The following PSD3 variants were observed in gnomAD, a reference collection of about 807,000 sequenced individuals.
PSD3 encodes PH and SEC7 domain-containing protein 3.
In PSD3, 49 loss-of-function variants were observed where a neutral mutation model predicts 105.5. That is an observed-to-expected ratio of 0.46 (90% CI 0.37 to 0.59). PSD3 has a LOEUF of 0.59. PSD3 is among the 20% of genes least tolerant of loss of function. PSD3 has a pLI of 0.00. For synonymous variants in PSD3, 557 were observed against 457.8 expected (o/e 1.22, Z -2.77); for missense variants, 1,561 against 1,263.8 (o/e 1.24, Z -3.57).
At chr8:18,914,253 A>G (rs1820435959) in intron 2 of PSD3, among the ~76,000 whole-genome samples, 1 of 152,052 alleles carries the variant, frequency 6.6e-6, no homozygotes, top group African/African-American at 2.4e-5. Context: ...ATGTACCTCA[A>G]CATAATAAAG....
At chr8:18,708,147 G>A (rs1157312860) in intron 9 of PSD3, among the ~76,000 whole-genome samples, 1 of 152,220 alleles carries the variant, frequency 6.6e-6, no homozygotes, top group East Asian at 1.9e-4. Flanking sequence ...CTAATTTACA[G>A]TTTTAATGGG....
intron 15 of PSD3, among the ~76,000 whole-genome samples, chr8:18,555,660 T>C (rs1176632937): frequency 6.6e-6 from 1 of 152,224 alleles, no homozygotes. Flanking sequence ...CCATAGCATA[T>C]GGATCCTCAC....
At chr8:18,963,698 T>C (rs568324491) in intron 1 of PSD3, among the ~76,000 whole-genome samples, 56 of 152,300 alleles carry the variant, frequency 3.7e-4, no homozygotes, top group African/African-American at 1.3e-3. Context: ...CCAACAGCAA[T>C]GTTTCAGGTA....
chr8:18,974,926 T>C (rs1272529522), intron 1 of PSD3, among the ~76,000 whole-genome samples: 2 of 152,082 alleles, frequency 1.3e-5, no homozygotes, highest in Non-Finnish European at 2.9e-5. Flanking sequence ...ATACAAAATC[T>C]TTTTCCTTGA....
At chr8:18,550,524 G>T (rs906060701) in intron 15 of PSD3, among the ~76,000 whole-genome samples, 4 of 152,020 alleles carry the variant, frequency 2.6e-5, no homozygotes, top group Non-Finnish European at 4.4e-5. Flanking sequence ...TGAAAATATC[G>T]TAAGTCAAAA....
At chr8:18,934,749 A>G (rs1323562465) in intron 2 of PSD3, among the ~76,000 whole-genome samples, 5 of 152,246 alleles carry the variant, frequency 3.3e-5, no homozygotes, top group Non-Finnish European at 7.3e-5. Context: ...TTATAAGTTC[A>G]AGGCCAGGTT....
intron 9 of PSD3, among the ~76,000 whole-genome samples, chr8:18,662,474 T>C (rs891108735): frequency 2.0e-5 from 3 of 152,268 alleles, no homozygotes; most frequent in Non-Finnish European, 2.9e-5. Context: ...TGTGACATTA[T>C]GTTATACATA....
intron 1 of PSD3, among the ~76,000 whole-genome samples, chr8:19,020,175 G>C (rs1453547002): frequency 2.6e-5 from 4 of 152,144 alleles, no homozygotes; most frequent in African/African-American, 9.7e-5. Flanking sequence ...TTCCCTCATG[G>C]AGCTTGGGAA....
At chr8:18,686,376 G>A (rs916363621) in intron 9 of PSD3, among the ~76,000 whole-genome samples, 11 of 152,174 alleles carry the variant, frequency 7.2e-5, no homozygotes, top group African/African-American at 1.9e-4. Context: ...CAGGAACCAC[G>A]CTGTGTCCCT....
chr8:19,045,979 C>A (rs1360213949), intron 1 of PSD3, among the ~76,000 whole-genome samples: 2 of 152,156 alleles, frequency 1.3e-5, no homozygotes, highest in Non-Finnish European at 2.9e-5. Context: ...TATCCTCTGC[C>A]CCTAAAAGAT....
chr8:18,866,566 G>A (rs981584198), intron 4 of PSD3, among the ~76,000 whole-genome samples: 2 of 152,150 alleles, frequency 1.3e-5, no homozygotes, highest in African/African-American at 2.4e-5. Flanking sequence ...TTGACACCTT[G>A]TTCTTTTTAT....
chr8:18,989,205 A>C (rs1825664073), intron 1 of PSD3: 1 of 152,216 alleles, frequency 6.6e-6, no homozygotes, highest in African/African-American at 2.4e-5. Flanking sequence ...GGAGCTAGAC[A>C]CTGCACAATG....
chr8:18,832,393 T>G (rs1273426650), intron 4 of PSD3, among the ~76,000 whole-genome samples: 1 of 152,138 alleles, frequency 6.6e-6, no homozygotes, highest in African/African-American at 2.4e-5. Context: ...CAGTTCTGCA[T>G]AGATTCACAT....
chr8:18,836,716 A>G (rs1814139077), intron 4 of PSD3, among the ~76,000 whole-genome samples: 1 of 152,116 alleles, frequency 6.6e-6, no homozygotes, highest in Non-Finnish European at 1.5e-5. Context: ...AATCATCTCT[A>G]GATTACTGAT....
chr8:18,751,353 C>A (rs1805476161), intron 9 of PSD3, among the ~76,000 whole-genome samples: 1 of 152,112 alleles, frequency 6.6e-6, no homozygotes, highest in African/African-American at 2.4e-5. Flanking sequence ...TTCTTTTTTG[C>A]CACATAATAT....
intron 1 of PSD3, among the ~76,000 whole-genome samples, chr8:18,977,623 T>C (rs1238684985): frequency 6.6e-6 from 1 of 152,162 alleles, no homozygotes; most frequent in Non-Finnish European, 1.5e-5. Flanking sequence ...ATGAGAGATG[T>C]ATAGAACATG....
chr8:18,668,133 A>G (rs1327956101), intron 9 of PSD3, among the ~76,000 whole-genome samples: 2 of 152,212 alleles, frequency 1.3e-5, no homozygotes, highest in Non-Finnish European at 2.9e-5. Context: ...GGGCTCCCAC[A>G]GTGCAGCGGC....
intron 14 of PSD3, among the ~76,000 whole-genome samples, chr8:18,566,979 T>C (rs1007510694): frequency 6.6e-6 from 1 of 152,182 alleles, no homozygotes; most frequent in African/African-American, 2.4e-5. Context: ...CACGTACATA[T>C]CACTTACTAG....
intron 4 of PSD3, among the ~76,000 whole-genome samples, chr8:18,826,152 C>G (rs7815892): frequency 0.016 from 2,499 of 152,274 alleles, 74 homozygotes; most frequent in African/African-American, 0.057. Context: ...CCTCAGAGCT[C>G]CTGGTTCTCA....
Sources: gnomAD v4.1 joint callset for allele counts (sites outside exome capture counted in the v4.1 genomes callset) on GRCh38, gnomAD v4.1.1 for gene constraint, MANE v1.5 for transcripts, NCBI Gene and HGNC (gene_info 2026-07-23, HGNC 2026-07-21) for gene names.